Variants in SNAI3 observed in about 807,000 individuals in gnomAD.
SNAI3 encodes the protein snail family transcriptional repressor 3, also known as zinc finger protein SNAI3.
A neutral mutation model predicts 16.4 loss-of-function variants in SNAI3; 21 were observed. The ratio of observed to expected loss-of-function variants is 1.28; its 90% CI spans 0.91 to 1.85. The LOEUF is 1.85. Ranked by LOEUF, SNAI3 falls within the 40% of genes most tolerant of loss-of-function variation. The pLI is 0.00. For missense variants in SNAI3, 457 were observed against 372.8 expected (o/e 1.23, Z -1.86); for synonymous variants, 202 against 166.6 (o/e 1.21, Z -1.64).
In SNAI3 at chr16:88,678,607, C is replaced by A. The variant is rs763896682; in HGVS notation, c.720G>T (p.Ser240=). ...THTGEKPYAC[S]HCSRAFADRS... ...GGTCGGCAAAGGCCCTGCTGCAGTGCGAGCAGGCATAGGGCTTCTCCCCTG... is the reference window on the plus strand; with the variant it reads ...GGTCGGCAAAGGCCCTGCTGCAGTGAGAGCAGGCATAGGGCTTCTCCCCTG... The change falls in exon 3 of 3, where the codon TCG becomes TCT. Residue 240 remains serine (S), a synonymous_variant. Coordinates refer to ENST00000332281, the MANE Select transcript of SNAI3 (RefSeq NM_178310.4). 2 of 1,156,658 alleles carry A rather than the reference C, an allele frequency of 1.7e-6. No individual in the cohort carries two copies. Among genetic ancestry groups the A allele is most frequent in the Admixed American group, 1.7e-5 (1 of 59,444 alleles). The allele number at this position is 1,156,658 out of a possible 1,614,324, so 71.6% of individuals were successfully genotyped here.
At chr16:88,680,997 ATT>A in intron 2 of SNAI3, 95 bp downstream of exon 2, 1 of 1,481,316 alleles carries the variant, frequency 6.8e-7, no homozygotes, top group Admixed American at 2.0e-5. Flanking sequence ...TGCCCATGCT[ATT>A]GTTTATAAAA....
Position 88,681,414 on chromosome 16 carries a change from G to A in SNAI3, c.377C>T (p.Pro126Leu), listed in dbSNP as rs754541780. 2.4e-5 allele frequency: 38 copies of A among 1,610,218 alleles called. No homozygotes were observed. Among genetic ancestry groups the A allele is most frequent in the East Asian group, 1.6e-4 (7 of 44,794 alleles). Reference sequence around the variant, plus strand: ...CCCGTGCCGGTCTGGGCCCAAGGTCGGGGACCACCGTGTGGGCAGCACCAG... The same window carrying A: ...CCCGTGCCGGTCTGGGCCCAAGGTCAGGGACCACCGTGTGGGCAGCACCAG... ...PLLVLPTRWS[P>L]TLGPDRHGAP... Residue 126 changes from proline (P) to leucine (L), a missense_variant, in exon 2 of 3, where the codon CCG becomes CTG. Physicochemically the swap from Pro to Leu is moderately conservative, Grantham distance 98 (BLOSUM62 -3). Transcript: ENST00000332281. The surrounding 1 kb of genome is among the most constrained non-coding windows in gnomAD (Gnocchi z 5.4).
chr16:88,681,352 G>A lies in SNAI3; in HGVS notation c.439C>T (p.Arg147Ter), dbSNP rs771743116. ...AAGCACTCAAAGCCGCCCGGGGCTC[G>A]GGGCATCCGCTCAGCCCCAAGCAGT... ...EKLLGAERMP[R>*]APGGFECFHC... The change falls in exon 2 of 3, where the codon CGA (arginine) becomes TGA (stop). Residue 147 changes from arginine to a stop codon, truncating the protein, a stop_gained. Coordinates refer to ENST00000332281, the MANE Select transcript of SNAI3 (RefSeq NM_178310.4). LOFTEE classifies it high-confidence loss of function. This position sits in a 1 kb window ranked among gnomAD's most constrained non-coding sequence, Gnocchi z 5.4. 71 of 1,612,756 alleles carry A rather than the reference G, an allele frequency of 4.4e-5. 2 individuals are homozygous for A. The Middle Eastern group carries it at 6.6e-4, about 15-fold the overall frequency.
In SNAI3 at chr16:88,686,381, G is replaced by A; in HGVS notation, c.26C>T (p.Thr9Met). Residue 9 changes from threonine (T) to methionine (M), a missense_variant, in exon 1 of 3, where the codon ACG becomes ATG. Thr to Met is a moderately conservative substitution (Grantham distance 81, BLOSUM62 -1). Coordinates refer to ENST00000332281, the MANE Select transcript of SNAI3 (RefSeq NM_178310.4). MPRSFLVKTHSSHRVPNYR... is the reference protein window; with the variant it reads MPRSFLVKMHSSHRVPNYR... ...GTTGGGGACCCTGTGGCTGGAGTGC[G>A]TTTTCACCAGGAAGGAGCGCGGCAT... The A allele has an allele frequency of 6.2e-7, 1 of 1,611,686 alleles. No individual in the cohort carries two copies.
At position 88,681,719 on chromosome 16, in the gene SNAI3, A is replaced by T. The variant is rs116898254; in HGVS notation, c.77-5T>A. The T allele has an allele frequency of 2.5e-5, 35 of 1,426,620 alleles. No individual in the cohort carries two copies. The highest frequency in any genetic ancestry group is 3.0e-5 in the Non-Finnish European group (33 of 1,085,170). The allele number at this position is 1,426,620 out of a possible 1,614,324, so 88.4% of individuals were successfully genotyped here. On this transcript the variant is annotated splice_region_variant and splice_polypyrimidine_tract_variant and intron_variant, in intron 1 of 2. Coordinates refer to ENST00000332281, the MANE Select transcript of SNAI3 (RefSeq NM_178310.4). This position sits in a 1 kb window ranked among gnomAD's most constrained non-coding sequence, Gnocchi z 5.4. Reference sequence around the variant, plus strand: ...CAGAGCAGGCACCATTGATTTCTAGAGGGGTGGAGGGGAGAGAATAGAAAG... The same window carrying T: ...CAGAGCAGGCACCATTGATTTCTAGTGGGGTGGAGGGGAGAGAATAGAAAG...
At position 88,686,483 on chromosome 16, in the gene SNAI3, G is replaced by A. The variant is rs1909371253; in HGVS notation, c.-77C>T. 1 of 1,562,812 alleles carries A rather than the reference G, an allele frequency of 6.4e-7. No homozygotes were observed. The highest frequency in any genetic ancestry group is 8.6e-7 in the Non-Finnish European group (1 of 1,161,176). ...CTGGGTCCGGACTGCTGCGTCCGCC[G>A]GCGCTTGAAGGGGTCAGGCTCATTA... On this transcript the variant is annotated 5_prime_UTR_variant, in exon 1 of 3. Transcript: ENST00000332281.
intron 1 of SNAI3, among the ~76,000 whole-genome samples, chr16:88,682,155 G>A (rs1428205973): frequency 2.0e-5 from 3 of 152,178 alleles, no homozygotes; most frequent in African/African-American, 2.4e-5. Flanking sequence ...TCAGTCAGAC[G>A]CTTGGCAGCA....
chr16:88,681,727 A>G lies in SNAI3; in HGVS notation c.77-13T>C. 1 of 1,424,680 alleles carries G rather than the reference A, an allele frequency of 7.0e-7. No individual in the cohort carries two copies. The highest frequency in any genetic ancestry group is 1.8e-5 in the South Asian group (1 of 55,024). 88.3% of individuals were successfully genotyped at this position (1,424,680 alleles called of 1,614,324 possible). ...GCACCATTGATTTCTAGAGGGGTGG[A>G]GGGGAGAGAATAGAAAGATGAAGAC... On this transcript the variant is annotated splice_polypyrimidine_tract_variant and intron_variant, in intron 1 of 2. Coordinates refer to ENST00000332281, the MANE Select transcript of SNAI3 (RefSeq NM_178310.4). This position sits in a 1 kb window ranked among gnomAD's most constrained non-coding sequence, Gnocchi z 5.4.
chr16:88,681,048 C>G lies in SNAI3; in HGVS notation c.697+46G>C. The G allele has an allele frequency of 6.3e-7, 1 of 1,576,696 alleles. No individual in the cohort carries two copies. Among genetic ancestry groups the G allele is most frequent in the Non-Finnish European group, 8.7e-7 (1 of 1,154,864 alleles). ...TTTTCTAACTCCCGCAGCCCACCCT[C>G]TTCCCCCAGCCCAGACCGTCCTTGC... On this transcript the variant is annotated intron_variant, in intron 2 of 2. Transcript: ENST00000332281. The surrounding 1 kb of genome is among the most constrained non-coding windows in gnomAD (Gnocchi z 5.4).
In SNAI3 at chr16:88,681,398, G is replaced by C. The variant is rs767410564; in HGVS notation, c.393C>G (p.Asp131Glu). 6 of 1,612,282 alleles carry C rather than the reference G, an allele frequency of 3.7e-6. No individual in the cohort carries two copies. In the East Asian group the frequency reaches 1.3e-4, roughly 36 times the overall value. The change falls in exon 2 of 3, where the codon GAC becomes GAG. Residue 131 changes from aspartate to glutamate, a missense_variant. By Grantham distance (45) the Asp-to-Glu change is conservative. Coordinates refer to ENST00000332281, the MANE Select transcript of SNAI3 (RefSeq NM_178310.4). This position sits in a 1 kb window ranked among gnomAD's most constrained non-coding sequence, Gnocchi z 5.4. ...PTRWSPTLGP[D>E]RHGAPEKLLG... Reference sequence around the variant, plus strand: ...GCAGTTTTTCCGGAGCCCCGTGCCGGTCTGGGCCCAAGGTCGGGGACCACC... The same window carrying C: ...GCAGTTTTTCCGGAGCCCCGTGCCGCTCTGGGCCCAAGGTCGGGGACCACC...
Position 88,686,273 on chromosome 16 carries a change from C to G in SNAI3, c.76+58G>C, listed in dbSNP as rs901272484. ...CCCCCGCTCCCAGGGGCCTCTCTCT[C>G]TCTCCCGCCCCTCAGGGTCGAGTCC... On this transcript the variant is annotated intron_variant, in intron 1 of 2. Transcript: ENST00000332281. 6 of 1,581,612 alleles carry G rather than the reference C, an allele frequency of 3.8e-6. No homozygotes were observed. The Middle Eastern group carries it at 6.7e-4, about 176-fold the overall frequency.
rs565183366 is a variant in SNAI3, at chr16:88,685,817, G to A, written c.76+514C>T. ...GCTCACCTGAACTGAATGCAGGAGG[G>A]GCAGTGCCTTTGCACCAGAAAGAGC... On this transcript the variant is annotated intron_variant, in intron 1 of 2. Coordinates refer to ENST00000332281, the MANE Select transcript of SNAI3 (RefSeq NM_178310.4). 2.0e-5 allele frequency: 3 copies of A among 153,642 alleles called. No homozygotes were observed. In the East Asian group the frequency reaches 5.8e-4, roughly 30 times the overall value. 9.5% of individuals were successfully genotyped at this position (153,642 alleles called of 1,614,324 possible).
rs761093210 is a variant in SNAI3 at position 88,678,406 on chromosome 16, C to T, written c.*42G>A. The T allele has an allele frequency of 2.1e-5, 15 of 711,126 alleles. No homozygotes were observed. Among genetic ancestry groups the T allele is most frequent in the Middle Eastern group, 2.6e-4 (1 of 3,814 alleles). 44.1% of individuals were successfully genotyped at this position (711,126 alleles called of 1,614,324 possible). A position where few individuals can be genotyped will look rare whatever the true frequency, so the allele number is the denominator to read the frequency against. On this transcript the variant is annotated 3_prime_UTR_variant, in exon 3 of 3. Transcript: ENST00000332281. ...GGGGCAGGAGGGACGCCAGCTCTCC[C>T]GGTGAGGACCATCCCTCCTACCTGC...
intron 1 of SNAI3, among the ~76,000 whole-genome samples, chr16:88,683,236 G>C (rs1909241456): frequency 6.6e-6 from 1 of 151,598 alleles, no homozygotes; most frequent in Non-Finnish European, 1.5e-5. Context: ...GGGACTACAG[G>C]TGTGCGCCAC....
In SNAI3 at chr16:88,678,609, A is replaced by C; in HGVS notation, c.718T>G (p.Ser240Ala). The C allele has an allele frequency of 8.5e-7, 1 of 1,179,398 alleles. No homozygotes were observed. Among genetic ancestry groups the C allele is most frequent in the Non-Finnish European group, 1.3e-6 (1 of 787,080 alleles). The allele number at this position is 1,179,398 out of a possible 1,614,324, so 73.1% of individuals were successfully genotyped here. ...TCGGCAAAGGCCCTGCTGCAGTGCG[A>C]GCAGGCATAGGGCTTCTCCCCTGTG... ...THTGEKPYAC[S>A]HCSRAFADRS... is the part of the protein sequence containing the mutation. Residue 240 changes from serine (S) to alanine (A), a missense_variant, in exon 3 of 3, where the codon TCG becomes GCG. Coordinates refer to ENST00000332281, the MANE Select transcript of SNAI3 (RefSeq NM_178310.4).
intron 2 of SNAI3, among the ~76,000 whole-genome samples, chr16:88,680,275 ATTTTT>A (rs560411217): frequency 4.9e-4 from 27 of 55,100 alleles, no homozygotes; most frequent in East Asian, 1.8e-3. Context: ...TATGTTTTTG[ATTTTT>A]TTTTTTTTTT....
chr16:88,681,843 C>CCTGCAAGCTGGGT lies in SNAI3; in HGVS notation c.77-130_77-129insACCCAGCTTGCAG. Reference sequence around the variant, plus strand: ...CTGGCGTGGGAGGTGTAGCCGGGAACCTGCATGCAGACCCAGCTTGCAAGG... The same window carrying CCTGCAAGCTGGGT: ...CTGGCGTGGGAGGTGTAGCCGGGAACCTGCAAGCTGGGTCTGCATGCAGACCCAGCTTGCAAGG... On this transcript the variant is annotated intron_variant, in intron 1 of 2. Transcript: ENST00000332281. This position sits in a 1 kb window ranked among gnomAD's most constrained non-coding sequence, Gnocchi z 5.4. The CCTGCAAGCTGGGT allele has an allele frequency of 9.1e-7, 1 of 1,093,768 alleles. No individual in the cohort carries two copies. Among genetic ancestry groups the CCTGCAAGCTGGGT allele is most frequent in the Non-Finnish European group, 1.2e-6 (1 of 848,922 alleles). 67.8% of individuals were successfully genotyped at this position (1,093,768 alleles called of 1,614,324 possible). A position where few individuals can be genotyped will look rare whatever the true frequency, so the allele number is the denominator to read the frequency against.
At chr16:88,682,400 G>C (rs980949975) in intron 1 of SNAI3, among the ~76,000 whole-genome samples, 1 of 152,236 alleles carries the variant, frequency 6.6e-6, no homozygotes, top group Non-Finnish European at 1.5e-5. Context: ...CCAGGACGGT[G>C]TTTCCTCTAT....
rs146253421 is a variant in SNAI3 at position 88,678,586 on chromosome 16, G to A, written c.741C>T (p.Ala247=). 3.1e-5 allele frequency: 31 copies of A among 1,007,682 alleles called. No homozygotes were observed. The highest frequency in any genetic ancestry group is 1.1e-4 in the African/African-American group (7 of 63,346). The allele number at this position is 1,007,682 out of a possible 1,614,324, so 62.4% of individuals were successfully genotyped here. A position where few individuals can be genotyped will look rare whatever the true frequency, so the allele number is the denominator to read the frequency against. The change falls in exon 3 of 3, where the codon GCC becomes GCT. Residue 247 remains alanine (A), a synonymous_variant. Transcript: ENST00000332281. ...GATGGGCCCGAAGGTTGGAGCGGTC[G>A]GCAAAGGCCCTGCTGCAGTGCGAGC... ...YACSHCSRAF[A]DRSNLRAHLQ... is the part of the protein sequence containing the mutation.
Sources: gnomAD v4.1 joint callset for allele counts (sites outside exome capture counted in the v4.1 genomes callset) on GRCh38, gnomAD v4.1.1 for gene constraint, Gnocchi (gnomAD v3.1) non-coding constraint, MANE v1.5 for transcripts, NCBI Gene and HGNC (gene_info 2026-07-23, HGNC 2026-07-21) for gene names.